Variants in ETV1 observed in about 807,000 individuals in gnomAD.
ETV1 encodes ETS variant transcription factor 1.
Under a neutral mutation model 62.3 loss-of-function variants are expected in ETV1, and 27 were observed. The observed-to-expected ratio is 0.43, with a 90% confidence interval of 0.32 to 0.60. The LOEUF (loss-of-function observed/expected upper bound fraction) is 0.60. ETV1 is among the 20% of genes least tolerant of loss of function. The pLI, the probability that ETV1 is intolerant of heterozygous loss-of-function variation, is 0.06. For synonymous variants in ETV1, 222 were observed against 199.6 expected (o/e 1.11, Z -0.94); for missense variants, 605 against 605.8 (o/e 1.00, Z 0.01).
chr7:13,920,560 G>T (rs765927467), intron 9 of ETV1, among the ~76,000 whole-genome samples: 1 of 152,040 alleles, frequency 6.6e-6, no homozygotes, highest in Non-Finnish European at 1.5e-5. Context: ...TGCCCCTAGG[G>T]ATCAATCAGT....
rs113102867 is a variant in ETV1 at position 13,947,887 on chromosome 7, C to T, written c.236-8641G>A. 1.3e-3 allele frequency among the ~76,000 whole-genome samples: 196 copies of T among 152,184 alleles called. 1 individual carries two copies. The highest frequency in any genetic ancestry group is 4.4e-3 in the African/African-American group (183 of 41,524). ...TTATTATCAAGAGCTCATGGAAGTCCAATTAGAGCTTTATTTGGTGTTTTA... is the reference window on the plus strand; with the variant it reads ...TTATTATCAAGAGCTCATGGAAGTCTAATTAGAGCTTTATTTGGTGTTTTA... On this transcript the variant is annotated intron_variant, in intron 6 of 13. Transcript: ENST00000430479.
At chr7:13,956,321 A>ATT (rs576976597) in intron 6 of ETV1, among the ~76,000 whole-genome samples, 10 of 148,238 alleles carry the variant, frequency 6.7e-5, no homozygotes, top group African/African-American at 2.2e-4. Context: ...AGTTCACAGG[A>ATT]TTTTTTTTTT....
In ETV1 at chr7:13,921,660, G is replaced by A. The variant is rs189409100; in HGVS notation, c.802+9842C>T. On this transcript the variant is annotated intron_variant, in intron 9 of 13. Transcript: ENST00000430479. ...AACCTGGGAAGGATTATTTATTATG[G>A]CATTATGACAAATATTCAACCTCCA... is the stretch of plus-strand genomic sequence containing the variant. 3.3e-5 allele frequency among the ~76,000 whole-genome samples: 5 copies of A among 152,104 alleles called. No homozygotes were observed. In the East Asian group the frequency reaches 9.7e-4, roughly 29 times the overall value.
At chr7:13,948,190 AC>A (rs1275547564) in intron 6 of ETV1, among the ~76,000 whole-genome samples, 1 of 152,200 alleles carries the variant, frequency 6.6e-6, no homozygotes, top group Non-Finnish European at 1.5e-5. Context: ...TACTCTGATA[AC>A]CAAAATGTCA....
chr7:13,981,554 C>CAA (rs1781997154), intron 5 of ETV1, among the ~76,000 whole-genome samples: 1 of 151,746 alleles, frequency 6.6e-6, no homozygotes, highest in Non-Finnish European at 1.5e-5. Flanking sequence ...TACACACACA[C>CAA]AAATACATAC....
intron 6 of ETV1, among the ~76,000 whole-genome samples, chr7:13,944,561 G>C (rs996398318): frequency 6.6e-6 from 1 of 151,960 alleles, no homozygotes; most frequent in Non-Finnish European, 1.5e-5. Flanking sequence ...GGCGGGGGTG[G>C]TGAGACGGGG....
Position 13,919,316 on chromosome 7 carries a change from T to C in ETV1, c.803-8009A>G, listed in dbSNP as rs148107883. 8.8e-3 allele frequency among the ~76,000 whole-genome samples: 1,342 copies of C among 151,986 alleles called. 14 individuals carry two copies. The highest frequency in any genetic ancestry group is 0.028 in the African/African-American group (1,161 of 41,440). The stretch of plus-strand genomic sequence containing the variant: ...ATAATATTTCCAGTGTCATGTTAAG[T>C]GAGTGGTTTTATTTTTTAATACTAA... On this transcript the variant is annotated intron_variant, in intron 9 of 13. Transcript: ENST00000430479.
chr7:13,922,230 G>A (rs894118649), intron 9 of ETV1, among the ~76,000 whole-genome samples: 3 of 152,120 alleles, frequency 2.0e-5, no homozygotes, highest in East Asian at 1.9e-4. Context: ...AGAGGGAGGC[G>A]GGCCTTGAGA....
At chr7:13,947,183 A>G (rs1305055314) in intron 6 of ETV1, among the ~76,000 whole-genome samples, 1 of 152,188 alleles carries the variant, frequency 6.6e-6, no homozygotes, top group Non-Finnish European at 1.5e-5. Context: ...GTTTGTTACA[A>G]CTGACTGGTT....
intron 9 of ETV1, among the ~76,000 whole-genome samples, chr7:13,926,771 A>T (rs922042539): frequency 6.6e-6 from 1 of 152,180 alleles, no homozygotes; most frequent in African/African-American, 2.4e-5. Flanking sequence ...TGATACAATC[A>T]TGATCATACT....
chr7:13,910,589 C>T (rs531577378), intron 10 of ETV1: 1 of 256,990 alleles, frequency 3.9e-6, no homozygotes, highest in African/African-American at 2.3e-5. Context: ...GCATCCAAGT[C>T]AATCCTATTA....
intron 3 of ETV1, chr7:13,988,610 G>GAAAAAAAAAAAAAAAAA: frequency 2.0e-6 from 2 of 1,008,128 alleles, no homozygotes; most frequent in South Asian, 3.1e-5. Context: ...AAAAAAAAAA[G>GAAAAAAAAAAAAAAAAA]AGAAAATGAG....
intron 6 of ETV1, among the ~76,000 whole-genome samples, chr7:13,944,808 G>A (rs996334664): frequency 1.3e-5 from 2 of 152,084 alleles, no homozygotes; most frequent in African/African-American, 2.4e-5. Context: ...ATTAACATAA[G>A]ATCATTAAGG....
chr7:13,915,195 C>G (rs1184328645), intron 9 of ETV1, among the ~76,000 whole-genome samples: 1 of 152,098 alleles, frequency 6.6e-6, no homozygotes, highest in Non-Finnish European at 1.5e-5. Context: ...TTGACTAACT[C>G]CTTGTGGAGT....
chr7:13,934,860 T>C (rs1786613978), intron 8 of ETV1, among the ~76,000 whole-genome samples: 2 of 152,276 alleles, frequency 1.3e-5, no homozygotes, highest in African/African-American at 2.4e-5. Flanking sequence ...CAAAAGCTAC[T>C]GATGAGGGCG....
intron 6 of ETV1, among the ~76,000 whole-genome samples, chr7:13,941,867 A>G (rs895260847): frequency 4.3e-4 from 6 of 13,864 alleles, no homozygotes; most frequent in East Asian, 0.026. Context: ...TGCCTCGAAT[A>G]AATAAATAAA....
chr7:13,952,800 C>G (rs979564726), intron 6 of ETV1, among the ~76,000 whole-genome samples: 12 of 152,142 alleles, frequency 7.9e-5, no homozygotes, highest in Non-Finnish European at 2.9e-5. Context: ...AAAAGCATCA[C>G]AAGCGTCATT....
chr7:13,959,100 T>C (rs1789844179), intron 6 of ETV1: 1 of 151,946 alleles, frequency 6.6e-6, no homozygotes, highest in Non-Finnish European at 1.5e-5. Context: ...ATTTAATTTG[T>C]AGTCAGGTAG....
At chr7:13,979,436 C>T (rs1411027466) in intron 5 of ETV1, among the ~76,000 whole-genome samples, 1 of 151,810 alleles carries the variant, frequency 6.6e-6, no homozygotes, top group African/African-American at 2.4e-5. Context: ...CAGCTATTAA[C>T]ACAACATATT....
Sources: allele counts gnomAD v4.1 joint callset (sites outside exome capture counted in the v4.1 genomes callset), GRCh38; gene constraint gnomAD v4.1.1; transcripts MANE v1.5; gene names NCBI Gene and HGNC (gene_info 2026-07-23, HGNC 2026-07-21).